Variants in NEXN observed in about 807,000 individuals in gnomAD.
The protein encoded by NEXN is nexilin F-actin binding protein.
A neutral mutation model predicts 92.6 loss-of-function variants in NEXN; 65 were observed. The observed-to-expected ratio is 0.70, with a 90% confidence interval of 0.57 to 0.86. The LOEUF (loss-of-function observed/expected upper bound fraction) is 0.86. NEXN is among the 40% of genes least tolerant of loss of function. NEXN has a pLI of 0.00. For missense variants in NEXN, 778 were observed against 771.1 expected (o/e 1.01, Z -0.11); for synonymous variants, 254 against 242.5 (o/e 1.05, Z -0.44).
At chr1:77,911,076 A>G (rs1363700448) in intron 1 of NEXN, among the ~76,000 whole-genome samples, 2 of 149,986 alleles carry the variant, frequency 1.3e-5, no homozygotes, top group African/African-American at 2.5e-5. Context: ...GCCTCAAGCA[A>G]CCCCCCTGCC....
At chr1:77,888,901 G>A (rs1398598724) in intron 1 of NEXN, 142 bp downstream of exon 1, 9 of 152,496 alleles carry the variant, frequency 5.9e-5, no homozygotes, top group Admixed American at 5.9e-4. Flanking sequence ...TGCAGCTCCG[G>A]AGGGCGCCGG....
rs1433397524 is a variant in NEXN, at chr1:77,929,255, A to G, written c.865-61A>G. ...TGGCTAATTCTGTGCCTTTTGATTA[A>G]TAATTCATTCCTTTTTCTGATGAAC... On this transcript the variant is annotated intron_variant, in intron 8 of 12. Coordinates refer to ENST00000334785, the MANE Select transcript of NEXN (RefSeq NM_144573.4). 3 of 1,237,974 alleles carry G rather than the reference A, an allele frequency of 2.4e-6. No homozygotes were observed. The East Asian group carries it at 7.0e-5, about 29-fold the overall frequency. The allele number at this position is 1,237,974 out of a possible 1,614,324, so 76.7% of individuals were successfully genotyped here.
chr1:77,892,808 T>G (rs554392404), intron 1 of NEXN, among the ~76,000 whole-genome samples: 2 of 152,168 alleles, frequency 1.3e-5, no homozygotes, highest in African/African-American at 4.8e-5. Flanking sequence ...GGTGGGATTT[T>G]AGAAAGCATG....
chr1:77,914,013 T>C (rs1481264541), intron 1 of NEXN, among the ~76,000 whole-genome samples: 3 of 152,210 alleles, frequency 2.0e-5, no homozygotes, highest in Non-Finnish European at 4.4e-5. Flanking sequence ...GTTCCAACTG[T>C]ATGACATTCT....
chr1:77,896,464 A>G (rs1040295521), intron 1 of NEXN, among the ~76,000 whole-genome samples: 12 of 152,032 alleles, frequency 7.9e-5, no homozygotes, highest in African/African-American at 2.7e-4. Context: ...GTGCCCCACT[A>G]CAGTGTAAGT....
intron 11 of NEXN, among the ~76,000 whole-genome samples, chr1:77,938,696 T>C (rs538596121): frequency 6.6e-6 from 1 of 151,746 alleles, no homozygotes; most frequent in South Asian, 2.1e-4. Context: ...GGGTGGTCAA[T>C]ATACCTAGGA....
chr1:77,932,945 A>C (rs1571149367), intron 9 of NEXN: 1 of 206,658 alleles, frequency 4.8e-6, no homozygotes, highest in East Asian at 1.2e-4. Flanking sequence ...CAGACGGATC[A>C]CCTGTCGGGA....
chr1:77,942,263 T>G (rs1651406958), intron 12 of NEXN, 55 bp downstream of exon 12: 1 of 1,561,538 alleles, frequency 6.4e-7, no homozygotes, highest in South Asian at 1.1e-5. Flanking sequence ...AAACCCATAG[T>G]TTTATAATTA....
intron 11 of NEXN, among the ~76,000 whole-genome samples, chr1:77,941,024 A>G (rs1188254166): frequency 6.6e-6 from 1 of 152,194 alleles, no homozygotes; most frequent in African/African-American, 2.4e-5. Context: ...ATCGGAAATG[A>G]GGTAGGTACA....
intron 9 of NEXN, among the ~76,000 whole-genome samples, chr1:77,930,152 A>G (rs1321068948): frequency 6.6e-6 from 1 of 152,214 alleles, no homozygotes; most frequent in African/African-American, 2.4e-5. Context: ...AAACACTGTA[A>G]TTAGCTTTGG....
Position 77,926,574 on chromosome 1 carries a change from C to T in NEXN, c.650C>T (p.Pro217Leu). The T allele has an allele frequency of 1.9e-6, 3 of 1,613,746 alleles. No individual in the cohort carries two copies. The highest frequency in any genetic ancestry group is 2.5e-6 in the Non-Finnish European group (3 of 1,179,904). Residue 217 changes from proline (P) to leucine (L), a missense_variant, in exon 7 of 13, where the codon CCA becomes CTA. This residue lies in a region of NEXN where 236 missense variants were observed against 265.6 expected (regional missense o/e 0.89). Coordinates refer to ENST00000334785, the MANE Select transcript of NEXN (RefSeq NM_144573.4). ...AGAATAAGATATGAAGAACAACGACCATCTCTCAAGGAAGCAAAGTGTCTT... is the reference window on the plus strand; with the variant it reads ...AGAATAAGATATGAAGAACAACGACTATCTCTCAAGGAAGCAAAGTGTCTT... ...DKRIRYEEQR[P>L]SLKEAKCLSL...
At chr1:77,904,740 A>G (rs1647978070) in intron 1 of NEXN, among the ~76,000 whole-genome samples, 1 of 152,176 alleles carries the variant, frequency 6.6e-6, no homozygotes, top group Non-Finnish European at 1.5e-5. Context: ...GAAGTTGGGG[A>G]ATAGTGTATA....
intron 1 of NEXN, among the ~76,000 whole-genome samples, chr1:77,904,385 AAT>A (rs1017422798): frequency 1.3e-5 from 2 of 152,230 alleles, no homozygotes; most frequent in African/African-American, 2.4e-5. Context: ...GGCATTTGAG[AAT>A]ATGTTTCTAA....
chr1:77,891,417 C>T (rs1472945527), intron 1 of NEXN, among the ~76,000 whole-genome samples: 1 of 152,104 alleles, frequency 6.6e-6, no homozygotes, highest in Non-Finnish European at 1.5e-5. Context: ...TGTCTGCCAT[C>T]CAGTAAGTGC....
rs1470683720 is a variant in NEXN at position 77,942,956 on chromosome 1, T to C, written c.*127T>C. On this transcript the variant is annotated 3_prime_UTR_variant, in exon 13 of 13. Transcript: ENST00000334785. Reference sequence around the variant, plus strand: ...TGGAACTTTCTCTTTCACTCCAACTTTCTTACTACATCCATCTTTTCTGTG... The same window carrying C: ...TGGAACTTTCTCTTTCACTCCAACTCTCTTACTACATCCATCTTTTCTGTG... The C allele has an allele frequency of 4.6e-6, 6 of 1,291,546 alleles. No individual in the cohort carries two copies. Among genetic ancestry groups the C allele is most frequent in the Non-Finnish European group, 6.5e-6 (6 of 917,386 alleles). 80.0% of individuals were successfully genotyped at this position (1,291,546 alleles called of 1,614,324 possible).
chr1:77,927,772 T>A (rs1649979398), intron 8 of NEXN, among the ~76,000 whole-genome samples: 1 of 152,258 alleles, frequency 6.6e-6, no homozygotes, highest in Middle Eastern at 3.4e-3. Context: ...TTCTTCATTT[T>A]TAAAATGGTA....
At chr1:77,939,926 T>C (rs1180385149) in intron 11 of NEXN, among the ~76,000 whole-genome samples, 1 of 152,054 alleles carries the variant, frequency 6.6e-6, no homozygotes, top group Non-Finnish European at 1.5e-5. Context: ...ATACAAAAAT[T>C]AGCCGGGCGT....
At chr1:77,915,695 G>GA (rs1165777018) in intron 1 of NEXN, among the ~76,000 whole-genome samples, 1 of 152,144 alleles carries the variant, frequency 6.6e-6, no homozygotes, top group East Asian at 1.9e-4. Context: ...AAGATTGATA[G>GA]AAATAGCCAA....
Position 77,942,770 on chromosome 1 carries a change from G to C in NEXN, c.1969G>C (p.Val657Leu). 6.2e-7 allele frequency: 1 copy of C among 1,613,296 alleles called. No homozygotes were observed. The highest frequency in any genetic ancestry group is 8.5e-7 in the Non-Finnish European group (1 of 1,179,616). The change falls in exon 13 of 13, where the codon GTC (valine) becomes CTC (leucine). Residue 657 changes from valine (V) to leucine (L), a missense_variant. Physicochemically the swap from Val to Leu is conservative, Grantham distance 32. Coordinates refer to ENST00000334785, the MANE Select transcript of NEXN (RefSeq NM_144573.4). ...EDGGEYMCKA[V>L]NNKGSAASTC... ...TGGAGGAGAGTATATGTGTAAAGCA[G>C]TCAACAATAAAGGATCTGCAGCTAG...
Sources: allele counts gnomAD v4.1 joint callset (sites outside exome capture counted in the v4.1 genomes callset), GRCh38; gene constraint gnomAD v4.1.1; regional missense constraint gnomAD v4.1.1; transcripts MANE v1.5; gene names NCBI Gene and HGNC (gene_info 2026-07-23, HGNC 2026-07-21).